The following AGPS variants were observed in gnomAD, a reference collection of about 807,000 sequenced individuals.
The protein encoded by AGPS is alkyldihydroxyacetonephosphate synthase, peroxisomal.
AGPS carries 26 observed loss-of-function variants against 90.7 expected under a neutral mutation model. The ratio of observed to expected loss-of-function variants is 0.29; its 90% CI spans 0.21 to 0.40. The LOEUF (loss-of-function observed/expected upper bound fraction) is 0.40, where lower values mean the gene tolerates loss of function less well. AGPS is among the 10% of genes least tolerant of loss of function. The pLI, the probability that AGPS is intolerant of heterozygous loss-of-function variation, is 1.00. For missense variants in AGPS, 540 were observed against 816.1 expected, an observed-to-expected ratio of 0.66 and a Z score of 4.12; for synonymous variants, 294 against 285.3, an observed-to-expected ratio of 1.03 and a Z score of -0.31.
At chr2:177,452,044 C>T (rs1047147434) in intron 8 of AGPS, among the ~76,000 whole-genome samples, 2 of 152,034 alleles carry the variant, frequency 1.3e-5, no homozygotes, top group African/African-American at 2.4e-5. Flanking sequence ...GTTCAGAAAA[C>T]ATACTTTATA....
intron 10 of AGPS, among the ~76,000 whole-genome samples, chr2:177,473,712 A>G (rs1172746357): frequency 6.6e-6 from 1 of 152,234 alleles, no homozygotes; most frequent in Non-Finnish European, 1.5e-5. Flanking sequence ...TGAATTTGGA[A>G]TATCCATTTG....
intron 9 of AGPS, among the ~76,000 whole-genome samples, chr2:177,463,107 T>A (rs1160862539): frequency 2.6e-5 from 4 of 152,212 alleles, no homozygotes; most frequent in African/African-American, 9.6e-5. Flanking sequence ...ACCTGTCATG[T>A]TTTATGTGCA....
chr2:177,432,252 A>G (rs967325303), intron 2 of AGPS, among the ~76,000 whole-genome samples: 12 of 152,344 alleles, frequency 7.9e-5, no homozygotes, highest in Non-Finnish European at 1.2e-4. Context: ...TTTCAGCCCT[A>G]TGGGAAAGTG....
chr2:177,537,949 C>T (rs1277626751), intron 19 of AGPS, 125 bp from the exon 20 acceptor site: 9 of 1,372,764 alleles, frequency 6.6e-6, no homozygotes, highest in Admixed American at 3.4e-5. Context: ...TCAAATAAAG[C>T]AAAACATTTC....
chr2:177,501,815 A>G (rs374628026), intron 14 of AGPS, among the ~76,000 whole-genome samples: 89 of 152,096 alleles, frequency 5.9e-4, no homozygotes, highest in African/African-American at 2.1e-3. Flanking sequence ...TTACAGGCTC[A>G]TGCCACCACG....
intron 11 of AGPS, among the ~76,000 whole-genome samples, chr2:177,490,891 T>C (rs1297228643): frequency 6.6e-6 from 1 of 150,972 alleles, no homozygotes; most frequent in East Asian, 1.9e-4. Context: ...GTTTTGCTTT[T>C]GTTGCCCAGG....
intron 1 of AGPS, 116 bp from the exon 2 acceptor site, chr2:177,420,153 C>T: frequency 1.4e-6 from 1 of 692,904 alleles, no homozygotes; most frequent in Non-Finnish European, 2.5e-6. Context: ...TAACCTTATA[C>T]AATATTTGTG....
chr2:177,520,444 C>T (rs1331399455), intron 17 of AGPS, among the ~76,000 whole-genome samples: 1 of 152,174 alleles, frequency 6.6e-6, no homozygotes, highest in Non-Finnish European at 1.5e-5. Context: ...TCAGCAGTGA[C>T]GGAGCCAATG....
At chr2:177,416,245 A>G (rs1248616624) in intron 1 of AGPS, among the ~76,000 whole-genome samples, 1 of 152,194 alleles carries the variant, frequency 6.6e-6, no homozygotes, top group East Asian at 1.9e-4. Flanking sequence ...TTTTTATAAT[A>G]GTAAGGCTAA....
intron 8 of AGPS, among the ~76,000 whole-genome samples, chr2:177,453,329 T>G (rs1409313734): frequency 1.3e-5 from 2 of 151,476 alleles, no homozygotes; most frequent in Non-Finnish European, 2.9e-5. Context: ...TGGAGTGCAG[T>G]GGCCTGATAT....
chr2:177,513,990 G>C, intron 17 of AGPS, 82 bp downstream of exon 17: 1 of 1,085,130 alleles, frequency 9.2e-7, no homozygotes, highest in Non-Finnish European at 1.4e-6. Context: ...TAATTTTCCA[G>C]CTGAGAAAAA....
At chr2:177,527,113 G>T (rs779885124) in intron 19 of AGPS, among the ~76,000 whole-genome samples, 3 of 152,112 alleles carry the variant, frequency 2.0e-5, no homozygotes, top group Non-Finnish European at 4.4e-5. Context: ...TTTGAGAAGA[G>T]ACATGTAATT....
At chr2:177,426,484 A>C (rs530918229) in intron 2 of AGPS, among the ~76,000 whole-genome samples, 6 of 152,346 alleles carry the variant, frequency 3.9e-5, no homozygotes, top group African/African-American at 1.4e-4. Context: ...TTCGAGGAGA[A>C]TGCTTCCAGC....
At chr2:177,426,337 A>G (rs187049477) in intron 2 of AGPS, among the ~76,000 whole-genome samples, 1 of 152,334 alleles carries the variant, frequency 6.6e-6, no homozygotes, top group East Asian at 1.9e-4. Flanking sequence ...GTCATCTGCA[A>G]ACAGAAACAG....
intron 8 of AGPS, among the ~76,000 whole-genome samples, chr2:177,456,332 AT>A (rs1181849281): frequency 6.6e-6 from 1 of 152,238 alleles, no homozygotes; most frequent in African/African-American, 2.4e-5. Flanking sequence ...CTTAGATACC[AT>A]TTATTAAGCA....
rs1193584297 is a variant in AGPS at position 177,516,053 on chromosome 2, A to G, written c.1697+2145A>G. Among the ~76,000 whole-genome samples, 4 of 152,166 alleles carry G rather than the reference A, an allele frequency of 2.6e-5. No individual in the cohort carries two copies. In the East Asian group the frequency reaches 7.7e-4, roughly 29 times the overall value. ...ACCTGGGTGATAGGATCCATACTCC[A>G]AACCTCAGCATCACGCAATATTCCC... On this transcript the variant is annotated intron_variant, in intron 17 of 19. Coordinates refer to ENST00000264167, the MANE Select transcript of AGPS (RefSeq NM_003659.4).
At position 177,500,661 on chromosome 2, in the gene AGPS, T is replaced by C. The variant is rs561401357; in HGVS notation, c.1475+931T>C. Among the ~76,000 whole-genome samples the C allele has an allele frequency of 5.5e-4, 84 of 152,198 alleles. 1 individual carries two copies. In the South Asian group the frequency reaches 0.017, roughly 31 times the overall value. ...AAATAGTCTAATCTTAGACTTAAATTTTAGTTTTCTTTTGCACTATTTTTA... is the reference window on the plus strand; with the variant it reads ...AAATAGTCTAATCTTAGACTTAAATCTTAGTTTTCTTTTGCACTATTTTTA... On this transcript the variant is annotated intron_variant, in intron 14 of 19. Transcript: ENST00000264167.
At chr2:177,515,570 A>T (rs1289963512) in intron 17 of AGPS, among the ~76,000 whole-genome samples, 2 of 152,102 alleles carry the variant, frequency 1.3e-5, no homozygotes, top group Non-Finnish European at 2.9e-5. Context: ...CCTATGGAAA[A>T]TGATTAGGAA....
intron 14 of AGPS, among the ~76,000 whole-genome samples, chr2:177,503,329 A>G (rs1688615470): frequency 6.6e-6 from 1 of 152,168 alleles, no homozygotes; most frequent in Admixed American, 6.5e-5. Flanking sequence ...TTTGACATTT[A>G]CCATAGAACT....
Sources: allele counts gnomAD v4.1 joint callset (sites outside exome capture counted in the v4.1 genomes callset), GRCh38; gene constraint gnomAD v4.1.1; transcripts MANE v1.5; gene names NCBI Gene and HGNC (gene_info 2026-07-23, HGNC 2026-07-21).